Variants in TAF4B observed in about 807,000 individuals in gnomAD.
The protein encoded by TAF4B is TATA-box binding protein associated factor 4b.
Under a neutral mutation model 86.4 loss-of-function variants are expected in TAF4B, and 38 were observed. That is an observed-to-expected ratio of 0.44 (90% CI 0.34 to 0.58). The LOEUF (loss-of-function observed/expected upper bound fraction) is 0.58. Among genes scored for constraint, TAF4B ranks in the 20% least tolerant of loss-of-function variants. The pLI is 0.02. For synonymous variants in TAF4B, 388 were observed against 391.2 expected (o/e 0.99, Z 0.10); for missense variants, 988 against 1,027.6 (o/e 0.96, Z 0.53).
At position 26,256,366 on chromosome 18, in the gene TAF4B, C is replaced by A. The variant is rs55808439; in HGVS notation, c.344-8804C>A. On this transcript the variant is annotated intron_variant, in intron 1 of 14. Transcript: ENST00000269142. ...GTGTGAAAACCAAACATCTTTTCTTCTGGGCAAAAGTCTTCCAAAAGCAGC... is the reference window on the plus strand; with the variant it reads ...GTGTGAAAACCAAACATCTTTTCTTATGGGCAAAAGTCTTCCAAAAGCAGC... 1.8e-5 allele frequency: 25 copies of A among 1,426,086 alleles called. No homozygotes were observed. The African/African-American group carries it at 3.5e-4, about 20-fold the overall frequency. 88.3% of individuals were successfully genotyped at this position (1,426,086 alleles called of 1,614,324 possible).
At chr18:26,324,732 T>C (rs1262787795) in intron 11 of TAF4B, among the ~76,000 whole-genome samples, 1 of 152,242 alleles carries the variant, frequency 6.6e-6, no homozygotes, top group Non-Finnish European at 1.5e-5. Context: ...CCTACACTCA[T>C]TTGTTAATAC....
intron 10 of TAF4B, among the ~76,000 whole-genome samples, chr18:26,318,164 G>A (rs556335580): frequency 1.4e-4 from 21 of 152,224 alleles, no homozygotes; most frequent in African/African-American, 4.8e-4. Context: ...TTTTGAAGTA[G>A]CTGGGACTAC....
At chr18:26,302,462 A>C (rs2144636913) in intron 9 of TAF4B, among the ~76,000 whole-genome samples, 1 of 141,572 alleles carries the variant, frequency 7.1e-6, no homozygotes, top group African/African-American at 2.6e-5. Flanking sequence ...GCAACCTCAA[A>C]TTCCTGGACT....
intron 13 of TAF4B, among the ~76,000 whole-genome samples, chr18:26,335,548 C>T (rs1474736711): frequency 6.6e-6 from 1 of 152,094 alleles, no homozygotes; most frequent in African/African-American, 2.4e-5. Context: ...TGGGACTGTA[C>T]AATAGGCTAC....
At chr18:26,256,361 T>A in intron 1 of TAF4B, 2 of 1,435,370 alleles carry the variant, frequency 1.4e-6, no homozygotes, top group South Asian at 2.3e-5. Context: ...CAAACATCTT[T>A]TCTTCTGGGC....
chr18:26,381,507 A>T (rs2057478389), intron 14 of TAF4B, among the ~76,000 whole-genome samples: 1 of 151,780 alleles, frequency 6.6e-6, no homozygotes, highest in South Asian at 2.1e-4. Flanking sequence ...CAGGCGGATC[A>T]CCTGAGGTCA....
intron 13 of TAF4B, among the ~76,000 whole-genome samples, chr18:26,349,948 A>G (rs2057231066): frequency 6.6e-6 from 1 of 152,228 alleles, no homozygotes; most frequent in African/African-American, 2.4e-5. Context: ...GGTGCCAGGA[A>G]CATATACCAG....
At chr18:26,256,405 A>G (rs939785074) in intron 1 of TAF4B, 6 of 1,076,626 alleles carry the variant, frequency 5.6e-6, no homozygotes, top group South Asian at 3.8e-5. Context: ...TCCACGCGCA[A>G]TAACGTCCCC....
At chr18:26,315,095 A>ACT (rs58691265) in intron 9 of TAF4B, 134 bp from the exon 10 acceptor site, 7,234 of 219,650 alleles carry the variant, frequency 0.033, 162 homozygotes, top group East Asian at 0.085. Flanking sequence ...GCTCTCTGAA[A>ACT]CTCTCTCTCT....
At chr18:26,292,182 G>A (rs942300952) in intron 7 of TAF4B, 64 bp from the exon 8 acceptor site, 2 of 1,531,626 alleles carry the variant, frequency 1.3e-6, no homozygotes, top group Non-Finnish European at 8.8e-7. Flanking sequence ...GTTTAAAACT[G>A]AAATCTTATC....
intron 1 of TAF4B, among the ~76,000 whole-genome samples, chr18:26,264,161 G>A (rs1244889205): frequency 2.0e-5 from 3 of 152,130 alleles, no homozygotes; most frequent in Admixed American, 6.5e-5. Context: ...TTTGTCAGCC[G>A]GGTGCAGTGG....
intron 11 of TAF4B, among the ~76,000 whole-genome samples, chr18:26,325,544 T>C (rs1165104261): frequency 3.9e-5 from 6 of 152,156 alleles, no homozygotes; most frequent in African/African-American, 1.4e-4. Flanking sequence ...CAGAGGTCGT[T>C]GTATATGAGT....
At chr18:26,227,957 C>A (rs535622957) in intron 1 of TAF4B, among the ~76,000 whole-genome samples, 1 of 152,338 alleles carries the variant, frequency 6.6e-6, no homozygotes, top group African/African-American at 2.4e-5. Context: ...TTCTAACTTT[C>A]AATTAGCAGA....
intron 1 of TAF4B, among the ~76,000 whole-genome samples, chr18:26,234,816 G>A (rs974065086): frequency 1.3e-5 from 2 of 152,206 alleles, no homozygotes; most frequent in Non-Finnish European, 2.9e-5. Flanking sequence ...CCCTTAAGGA[G>A]TAGCGCCTGG....
chr18:26,339,940 T>C (rs2057123390), intron 13 of TAF4B, among the ~76,000 whole-genome samples: 1 of 152,254 alleles, frequency 6.6e-6, no homozygotes, highest in Non-Finnish European at 1.5e-5. Flanking sequence ...AAGAATTCAT[T>C]TACTTTCTTT....
chr18:26,349,456 A>G (rs960635903), intron 13 of TAF4B, among the ~76,000 whole-genome samples: 8 of 152,016 alleles, frequency 5.3e-5, no homozygotes, highest in Admixed American at 1.3e-4. Flanking sequence ...AAACAAACAA[A>G]CAAACAAACA....
In TAF4B at chr18:26,246,861, G is replaced by A. The variant is rs1374950442; in HGVS notation, c.344-18309G>A. On this transcript the variant is annotated intron_variant, in intron 1 of 14. Transcript: ENST00000269142. ...TCTCATTCTTTTTTTTTTCTTTTTTGTTTTCTGAGATATAGTTTCACTCTT... is the reference window on the plus strand; with the variant it reads ...TCTCATTCTTTTTTTTTTCTTTTTTATTTTCTGAGATATAGTTTCACTCTT... Among the ~76,000 whole-genome samples, 3 of 146,916 alleles carry A rather than the reference G, an allele frequency of 2.0e-5. No homozygotes were observed. The East Asian group carries it at 6.0e-4, about 30-fold the overall frequency.
Position 26,391,376 on chromosome 18 carries a change from C to T in TAF4B, c.*1364C>T, listed in dbSNP as rs1428961659. 7.1e-6 allele frequency: 1 copy of T among 141,590 alleles called. No individual in the cohort carries two copies. The highest frequency in any genetic ancestry group is 2.0e-4 in the East Asian group (1 of 5,004). The allele number at this position is 141,590 out of a possible 1,614,324, so 8.8% of individuals were successfully genotyped here. A position where few individuals can be genotyped will look rare whatever the true frequency, so the allele number is the denominator to read the frequency against. ...AAGAATTGAAGGAAAAAAAAAAAAA[C>T]ACCTCACGTATGTTATTCTTCATCC... On this transcript the variant is annotated 3_prime_UTR_variant, in exon 15 of 15. Coordinates refer to ENST00000269142, the MANE Select transcript of TAF4B (RefSeq NM_005640.3).
chr18:26,234,080 G>T (rs957844033), intron 1 of TAF4B, among the ~76,000 whole-genome samples: 2 of 152,116 alleles, frequency 1.3e-5, no homozygotes, highest in Non-Finnish European at 2.9e-5. Context: ...CTCTTCTGTT[G>T]TTAACCACCC....
Sources: gnomAD v4.1 joint callset for allele counts (sites outside exome capture counted in the v4.1 genomes callset) on GRCh38, gnomAD v4.1.1 for gene constraint, MANE v1.5 for transcripts, NCBI Gene and HGNC (gene_info 2026-07-23, HGNC 2026-07-21) for gene names.